EFNA5: variants seen among roughly 807,000 people sequenced by gnomAD.
EFNA5 encodes ephrin-A5.
EFNA5 carries 5 observed loss-of-function variants against 22.9 expected under a neutral mutation model. The ratio of observed to expected loss-of-function variants is 0.22; its 90% CI spans 0.11 to 0.46. The LOEUF (loss-of-function observed/expected upper bound fraction) is 0.46, where lower values mean the gene tolerates loss of function less well. EFNA5 is among the 20% of genes least tolerant of loss of function. The pLI is 0.99. For synonymous variants in EFNA5, 113 were observed against 112.2 expected (o/e 1.01, Z -0.04); for missense variants, 237 against 293.3 (o/e 0.81, Z 1.40).
At chr5:107,509,317 C>CT (rs113717483) in intron 1 of EFNA5, among the ~76,000 whole-genome samples, 3,245 of 143,922 alleles carry the variant, frequency 0.023, 103 homozygotes, top group African/African-American at 0.073. Context: ...TTTTCTTTTC[C>CT]TTTTTTTTTT....
intron 1 of EFNA5, among the ~76,000 whole-genome samples, chr5:107,520,526 T>C (rs1210524747): frequency 6.6e-6 from 1 of 152,232 alleles, no homozygotes; most frequent in Admixed American, 6.5e-5. Context: ...CATCTATTTG[T>C]ATCTGTGTCT....
At chr5:107,389,746 C>T (rs1452878051) in intron 2 of EFNA5, among the ~76,000 whole-genome samples, 2 of 152,178 alleles carry the variant, frequency 1.3e-5, no homozygotes, top group African/African-American at 4.8e-5. Context: ...CTGGAGAGTT[C>T]TCTCCATGAG....
intron 1 of EFNA5, among the ~76,000 whole-genome samples, chr5:107,450,283 GT>G (rs1321092451): frequency 2.6e-5 from 4 of 152,200 alleles, no homozygotes; most frequent in Admixed American, 2.0e-4. Context: ...CAAAGGCAAA[GT>G]TTTTTTGCTC....
intron 1 of EFNA5, among the ~76,000 whole-genome samples, chr5:107,594,781 A>G (rs753600695): frequency 3.3e-5 from 5 of 152,214 alleles, no homozygotes; most frequent in Non-Finnish European, 1.5e-5. Context: ...TTTACCCCGT[A>G]TGCACTGACC....
chr5:107,477,084 A>C (rs148925539), intron 1 of EFNA5, among the ~76,000 whole-genome samples: 2 of 152,274 alleles, frequency 1.3e-5, no homozygotes, highest in East Asian at 1.9e-4. Flanking sequence ...GCAACTCAAC[A>C]CGAAAGCCAG....
intron 1 of EFNA5, among the ~76,000 whole-genome samples, chr5:107,590,533 C>T (rs534821357): frequency 1.3e-5 from 2 of 152,046 alleles, no homozygotes; most frequent in East Asian, 1.9e-4. Flanking sequence ...GGACTAAAGG[C>T]ATACACCACT....
intron 1 of EFNA5, among the ~76,000 whole-genome samples, chr5:107,460,792 G>T (rs915737147): frequency 6.6e-6 from 1 of 152,184 alleles, no homozygotes; most frequent in Admixed American, 6.5e-5. Flanking sequence ...CCTAAGGAAA[G>T]CTGTGTCTTT....
intron 1 of EFNA5, among the ~76,000 whole-genome samples, chr5:107,551,698 G>A (rs1748301420): frequency 6.6e-6 from 1 of 152,076 alleles, no homozygotes; most frequent in South Asian, 2.1e-4. Context: ...TGATCAAAGT[G>A]GAAGTTATGA....
chr5:107,546,978 T>C (rs574966737), intron 1 of EFNA5, among the ~76,000 whole-genome samples: 1 of 152,302 alleles, frequency 6.6e-6, no homozygotes, highest in East Asian at 1.9e-4. Context: ...GGGCACTATA[T>C]ATATTCCTTC....
intron 1 of EFNA5, among the ~76,000 whole-genome samples, chr5:107,476,590 G>A (rs1006821332): frequency 7.9e-5 from 12 of 152,100 alleles, no homozygotes; most frequent in African/African-American, 2.9e-4. Context: ...ATATCTGACA[G>A]AATTTGGGGA....
intron 1 of EFNA5, among the ~76,000 whole-genome samples, chr5:107,445,326 A>G (rs1749362468): frequency 6.6e-6 from 1 of 152,068 alleles, no homozygotes; most frequent in African/African-American, 2.4e-5. Flanking sequence ...CCTGGCCTCA[A>G]AGATTGCCAT....
At chr5:107,604,344 A>AT (rs200240993) in intron 1 of EFNA5, among the ~76,000 whole-genome samples, 34 of 148,650 alleles carry the variant, frequency 2.3e-4, no homozygotes, top group African/African-American at 5.7e-4. Context: ...CCTGGCTCTG[A>AT]TTTTTTTTTT....
intron 1 of EFNA5, among the ~76,000 whole-genome samples, chr5:107,618,296 A>T (rs1195568251): frequency 1.8e-4 from 27 of 152,244 alleles, no homozygotes; most frequent in Admixed American, 1.7e-3. Flanking sequence ...ATAGTAAAAA[A>T]ATGTGTGAGC....
chr5:107,445,399 C>T (rs1231895880), intron 1 of EFNA5, among the ~76,000 whole-genome samples: 1 of 152,134 alleles, frequency 6.6e-6, no homozygotes, highest in Non-Finnish European at 1.5e-5. Context: ...CACATATGTG[C>T]TCTATTGAAG....
At chr5:107,398,128 G>C (rs931485210) in intron 2 of EFNA5, among the ~76,000 whole-genome samples, 1 of 152,082 alleles carries the variant, frequency 6.6e-6, no homozygotes, top group Non-Finnish European at 1.5e-5. Context: ...CAACTTCCCA[G>C]GCTCCCTCTT....
At chr5:107,649,125 T>C (rs1750681674) in intron 1 of EFNA5, among the ~76,000 whole-genome samples, 1 of 152,072 alleles carries the variant, frequency 6.6e-6, no homozygotes, top group East Asian at 1.9e-4. Flanking sequence ...ACATCTCGGA[T>C]CTTCTAAGTG....
chr5:107,633,818 T>G (rs1750313525), intron 1 of EFNA5, among the ~76,000 whole-genome samples: 1 of 152,070 alleles, frequency 6.6e-6, no homozygotes. Flanking sequence ...TATTCACACT[T>G]GAAAAAACTA....
At chr5:107,598,440 A>C (rs1033415096) in intron 1 of EFNA5, among the ~76,000 whole-genome samples, 1 of 152,140 alleles carries the variant, frequency 6.6e-6, no homozygotes, top group African/African-American at 2.4e-5. Context: ...GGAAAAGACT[A>C]GTTATACTTA....
At chr5:107,626,648 C>A (rs164840) in intron 1 of EFNA5, among the ~76,000 whole-genome samples, 103,418 of 152,006 alleles carry the variant, frequency 0.68, 35,567 homozygotes, top group Non-Finnish European at 0.74. Flanking sequence ...TTGGACCTAG[C>A]GCCCATGCTG....
Sources: gnomAD v4.1 joint callset for allele counts (sites outside exome capture counted in the v4.1 genomes callset) on GRCh38, gnomAD v4.1.1 for gene constraint, MANE v1.5 for transcripts, NCBI Gene and HGNC (gene_info 2026-07-23, HGNC 2026-07-21) for gene names.